OSBPL8: variants seen among roughly 807,000 people sequenced by gnomAD.
OSBPL8 encodes oxysterol binding protein like 8.
OSBPL8 carries 59 observed loss-of-function variants against 125.5 expected under a neutral mutation model. That is an observed-to-expected ratio of 0.47 (90% CI 0.38 to 0.58). The LOEUF is 0.58. Ranked by LOEUF, OSBPL8 falls within the 20% of genes least tolerant of loss-of-function variation. The pLI is 0.00. For synonymous variants in OSBPL8, 330 were observed against 338.9 expected (o/e 0.97, Z 0.29); for missense variants, 758 against 1,047.8 (o/e 0.72, Z 3.82).
intron 1 of OSBPL8, among the ~76,000 whole-genome samples, chr12:76,521,009 G>A (rs1014894079): frequency 6.6e-6 from 1 of 152,122 alleles, no homozygotes; most frequent in Non-Finnish European, 1.5e-5. Context: ...AAAGAATAAT[G>A]TATCAGAAAG....
intron 3 of OSBPL8, among the ~76,000 whole-genome samples, chr12:76,457,166 C>T (rs34591827): frequency 0.51 from 77,143 of 151,986 alleles, 21,336 homozygotes; most frequent in African/African-American, 0.72. Flanking sequence ...GCATTTTAAG[C>T]AGATATTCGC....
chr12:76,509,073 C>T (rs1880717999), intron 1 of OSBPL8, among the ~76,000 whole-genome samples: 1 of 152,176 alleles, frequency 6.6e-6, no homozygotes, highest in Non-Finnish European at 1.5e-5. Context: ...TGGATCAGGA[C>T]CCCTTTCCAA....
At chr12:76,406,853 T>C (rs1276116214) in intron 5 of OSBPL8, among the ~76,000 whole-genome samples, 1 of 152,098 alleles carries the variant, frequency 6.6e-6, no homozygotes, top group African/African-American at 2.4e-5. Flanking sequence ...GCTCATGCAA[T>C]TCTTCCACCT....
chr12:76,392,422 A>T (rs143827329), intron 10 of OSBPL8, among the ~76,000 whole-genome samples, 159 bp downstream of exon 10: 1 of 152,246 alleles, frequency 6.6e-6, no homozygotes, highest in Non-Finnish European at 1.5e-5. Flanking sequence ...ACCTGATTAT[A>T]GCAGCTAAAC....
chr12:76,464,500 C>T (rs545789421), intron 2 of OSBPL8, among the ~76,000 whole-genome samples: 1 of 152,188 alleles, frequency 6.6e-6, no homozygotes, highest in East Asian at 1.9e-4. Context: ...GTCTATAAAT[C>T]TCAGAAATAG....
intron 4 of OSBPL8, among the ~76,000 whole-genome samples, chr12:76,444,688 C>T (rs1872559724): frequency 6.6e-6 from 1 of 152,156 alleles, no homozygotes; most frequent in Non-Finnish European, 1.5e-5. Context: ...TTTCCACTTG[C>T]TGGTCCAGAA....
At chr12:76,405,607 A>G (rs1954227412) in intron 5 of OSBPL8, among the ~76,000 whole-genome samples, 2 of 152,238 alleles carry the variant, frequency 1.3e-5, no homozygotes, top group Non-Finnish European at 2.9e-5. Flanking sequence ...TTTAACTCAC[A>G]TATCTCAAGG....
At chr12:76,508,099 A>T (rs1400045247) in intron 1 of OSBPL8, among the ~76,000 whole-genome samples, 1 of 151,708 alleles carries the variant, frequency 6.6e-6, no homozygotes, top group African/African-American at 2.4e-5. Context: ...TGAACCTGGG[A>T]GGCGGAGGTT....
chr12:76,426,303 A>G (rs988238043), intron 4 of OSBPL8, among the ~76,000 whole-genome samples: 1 of 152,188 alleles, frequency 6.6e-6, no homozygotes, highest in African/African-American at 2.4e-5. Context: ...CTTATGTTTC[A>G]GAGTGGTGCT....
intron 22 of OSBPL8, among the ~76,000 whole-genome samples, chr12:76,358,175 CTTTTTTTTTTT>C (rs60714321): frequency 9.0e-5 from 9 of 100,194 alleles, no homozygotes; most frequent in African/African-American, 2.7e-4. Flanking sequence ...GAGTGTGGTT[CTTTTTTTTTTT>C]TTTTTTTTTT....
In OSBPL8 at chr12:76,487,584, C is replaced by G; in HGVS notation, c.-33G>C. 2 of 1,559,936 alleles carry G rather than the reference C, an allele frequency of 1.3e-6. No individual in the cohort carries two copies. The highest frequency in any genetic ancestry group is 1.7e-6 in the Non-Finnish European group (2 of 1,153,330). ...GAAGATAGGTTTATGCTTCTCTTTCCATTAATGTGCAGCCATTCTGTAAAT... is the reference window on the plus strand; with the variant it reads ...GAAGATAGGTTTATGCTTCTCTTTCGATTAATGTGCAGCCATTCTGTAAAT... On this transcript the variant is annotated 5_prime_UTR_variant, in exon 2 of 24. It removes an upstream start codon present in the reference 5' UTR. Transcript: ENST00000261183.
In OSBPL8 at chr12:76,410,653, A is replaced by T. The variant is rs375006880; in HGVS notation, c.218-19T>A. On this transcript the variant is annotated intron_variant, in intron 4 of 23. Coordinates refer to ENST00000261183, the MANE Select transcript of OSBPL8 (RefSeq NM_020841.5). Reference sequence around the variant, plus strand: ...TCAAAACCTTAAAAAAATAGTCAGCATATCAGTATTACTACTTTTGAACAT... The same window carrying T: ...TCAAAACCTTAAAAAAATAGTCAGCTTATCAGTATTACTACTTTTGAACAT... 1.3e-6 allele frequency: 2 copies of T among 1,501,228 alleles called. No homozygotes were observed. The highest frequency in any genetic ancestry group is 1.4e-5 in the African/African-American group (1 of 72,582). The allele number at this position is 1,501,228 out of a possible 1,614,324, so 93.0% of individuals were successfully genotyped here. A position where few individuals can be genotyped will look rare whatever the true frequency, so the allele number is the denominator to read the frequency against.
chr12:76,525,663 T>C (rs778647114), intron 1 of OSBPL8, among the ~76,000 whole-genome samples: 3 of 152,150 alleles, frequency 2.0e-5, no homozygotes, highest in Non-Finnish European at 2.9e-5. Flanking sequence ...CTTTGAATTA[T>C]TGGACAGAGG....
chr12:76,415,618 T>G (rs1868549372), intron 4 of OSBPL8, among the ~76,000 whole-genome samples: 1 of 152,216 alleles, frequency 6.6e-6, no homozygotes, highest in Non-Finnish European at 1.5e-5. Context: ...AAGAACAATT[T>G]CAGTAAACTA....
At chr12:76,404,868 C>T (rs1210076432) in intron 5 of OSBPL8, among the ~76,000 whole-genome samples, 2 of 152,088 alleles carry the variant, frequency 1.3e-5, no homozygotes, top group African/African-American at 2.4e-5. Flanking sequence ...CAGGGGAGGG[C>T]AGGGTCAGTG....
At chr12:76,420,137 T>C (rs1869280327) in intron 4 of OSBPL8, among the ~76,000 whole-genome samples, 1 of 152,078 alleles carries the variant, frequency 6.6e-6, no homozygotes, top group Non-Finnish European at 1.5e-5. Flanking sequence ...TCAGTCTTAT[T>C]AAAATGAAAT....
At chr12:76,527,384 T>C (rs952468831) in intron 1 of OSBPL8, among the ~76,000 whole-genome samples, 1 of 152,166 alleles carries the variant, frequency 6.6e-6, no homozygotes, top group Non-Finnish European at 1.5e-5. Context: ...AAAAGTCAGC[T>C]CTTCAAAAGA....
At chr12:76,538,051 T>C (rs1354554623) in intron 1 of OSBPL8, 5 of 152,250 alleles carry the variant, frequency 3.3e-5, no homozygotes, top group Non-Finnish European at 5.9e-5. Flanking sequence ...GGCTGTTATA[T>C]AGTGGCAGTC....
intron 1 of OSBPL8, among the ~76,000 whole-genome samples, chr12:76,508,316 T>C (rs1441252046): frequency 2.0e-5 from 3 of 152,250 alleles, no homozygotes; most frequent in Non-Finnish European, 4.4e-5. Flanking sequence ...TAATCTACAC[T>C]ATAGTAGTCA....
Sources: gnomAD v4.1 joint callset for allele counts (sites outside exome capture counted in the v4.1 genomes callset) on GRCh38, gnomAD v4.1.1 for gene constraint, MANE v1.5 for transcripts, NCBI Gene and HGNC (gene_info 2026-07-23, HGNC 2026-07-21) for gene names.